The following OOSP4B variants were observed in gnomAD, a reference collection of about 807,000 sequenced individuals.
OOSP4B encodes the protein oocyte-secreted protein 4B.
intron 1 of OOSP4B, among the ~76,000 whole-genome samples, chr11:60,020,480 G>T (rs189517755): frequency 3.3e-5 from 5 of 152,162 alleles, no homozygotes; most frequent in Non-Finnish European, 7.4e-5. Flanking sequence ...CTCACTGCCC[G>T]GGTGGGGGCG....
chr11:60,017,338 C>G (rs1854638297), exon 1 of OOSP4B: 1 of 398,508 alleles, frequency 2.5e-6, no homozygotes, highest in Admixed American at 4.4e-5. Context: ...CTCAAGGAAC[C>G]CCCAGCTCCT....
chr11:60,021,195 T>C (rs1854687635), intron 1 of OOSP4B, among the ~76,000 whole-genome samples: 1 of 152,192 alleles, frequency 6.6e-6, no homozygotes, highest in Admixed American at 6.5e-5. Flanking sequence ...TTTGTATATG[T>C]AAGTCATCTT....
Position 60,027,228 on chromosome 11 carries a change from G to A in OOSP4B, c.302+2223G>A, listed in dbSNP as rs189211980. Among the ~76,000 whole-genome samples, 192 of 152,192 alleles carry A rather than the reference G, an allele frequency of 1.3e-3. 2 individuals are homozygous for A. The highest frequency in any genetic ancestry group is 4.2e-3 in the African/African-American group (174 of 41,550). On this transcript the variant is annotated intron_variant, in intron 3 of 4. Coordinates refer to ENST00000642343, the Ensembl canonical transcript of OOSP4B. ...AACACTACAGCTCCTAAAGTAGGAT[G>A]GTGAAGGGTTGAAATGATAGCCAAA...
At chr11:60,021,646 A>G (rs1854691264) in intron 1 of OOSP4B, 1 of 152,206 alleles carries the variant, frequency 6.6e-6, no homozygotes, top group African/African-American at 2.4e-5. Flanking sequence ...GAAAATGAAG[A>G]CATTATCTGT....
At chr11:60,023,051 G>C (rs761632305) in intron 1 of OOSP4B, among the ~76,000 whole-genome samples, 24 of 152,160 alleles carry the variant, frequency 1.6e-4, no homozygotes, top group African/African-American at 5.1e-4. Flanking sequence ...TTAAGTTCTA[G>C]GCAGTGTTCC....
In OOSP4B at chr11:60,028,188, C is replaced by T. The variant is rs147085130; in HGVS notation, c.303-1594C>T. On this transcript the variant is annotated intron_variant, in intron 3 of 4. Transcript: ENST00000642343. ...CTGTTTTTTTTTTCTTTTTTTGAGA[C>T]GGCGTCTCACTCTGTTGCCCAGGCG... Among the ~76,000 whole-genome samples the T allele has an allele frequency of 4.0e-3, 607 of 149,924 alleles. 7 individuals carry two copies. Among genetic ancestry groups the T allele is most frequent in the African/African-American group, 0.014 (557 of 40,734 alleles).
At chr11:60,020,524 G>A (rs927999540) in intron 1 of OOSP4B, among the ~76,000 whole-genome samples, 21 of 152,222 alleles carry the variant, frequency 1.4e-4, no homozygotes, top group African/African-American at 3.9e-4. Flanking sequence ...GTGGGGCAGC[G>A]GAGCCCACGC....
intron 1 of OOSP4B, among the ~76,000 whole-genome samples, chr11:60,017,649 C>T (rs1034327789): frequency 4.6e-5 from 7 of 152,062 alleles, no homozygotes; most frequent in African/African-American, 1.7e-4. Context: ...ATAAACTGTG[C>T]TCAGTCTTCT....
chr11:60,028,068 T>C (rs920342354), intron 3 of OOSP4B, among the ~76,000 whole-genome samples: 2 of 151,470 alleles, frequency 1.3e-5, no homozygotes, highest in African/African-American at 4.9e-5. Context: ...TACTTCTGAT[T>C]CCTGAGATCT....
intron 1 of OOSP4B, 142 bp from the exon 2 acceptor site, chr11:60,023,738 C>T (rs2134625649): frequency 2.6e-6 from 1 of 389,864 alleles, no homozygotes; most frequent in Admixed American, 4.5e-5. Flanking sequence ...CTGGCCTATA[C>T]CTGCTTATTT....
At chr11:60,024,712 A>T (rs1240529707) in intron 2 of OOSP4B, among the ~76,000 whole-genome samples, 196 bp from the exon 3 acceptor site, 1 of 152,238 alleles carries the variant, frequency 6.6e-6, no homozygotes, top group African/African-American at 2.4e-5. Flanking sequence ...ATCTGGTATT[A>T]GAGATGGGGG....
intron 1 of OOSP4B, among the ~76,000 whole-genome samples, chr11:60,022,591 G>A (rs568936343): frequency 3.1e-4 from 47 of 152,322 alleles, no homozygotes; most frequent in African/African-American, 9.9e-4. Context: ...TTTTACGGAA[G>A]ACAGAGTTCT....
At chr11:60,018,323 G>A (rs1023438482) in intron 1 of OOSP4B, among the ~76,000 whole-genome samples, 1 of 152,092 alleles carries the variant, frequency 6.6e-6, no homozygotes, top group African/African-American at 2.4e-5. Context: ...ATTTGGCAAT[G>A]TTTAGAGGGA....
chr11:60,025,094 T>C, intron 3 of OOSP4B, 89 bp downstream of exon 3: 1 of 395,810 alleles, frequency 2.5e-6, no homozygotes. Flanking sequence ...AAAAATGCCC[T>C]GGAGGGATGT....
chr11:60,025,380 G>A (rs1453625153), intron 3 of OOSP4B, among the ~76,000 whole-genome samples: 1 of 152,194 alleles, frequency 6.6e-6, no homozygotes, highest in Non-Finnish European at 1.5e-5. Context: ...ACAAGTTAAT[G>A]CATTTGTCAA....
intron 3 of OOSP4B, among the ~76,000 whole-genome samples, chr11:60,026,532 G>A (rs1453615161): frequency 1.3e-5 from 2 of 152,096 alleles, no homozygotes; most frequent in Non-Finnish European, 2.9e-5. Flanking sequence ...ACTTAGCAAT[G>A]CCATTTTCAG....
chr11:60,021,936 A>C (rs1469979104), intron 1 of OOSP4B: 1 of 149,758 alleles, frequency 6.7e-6, no homozygotes, highest in African/African-American at 2.5e-5. Context: ...GTGAGCCAAG[A>C]TCCTGCCACT....
rs118126483 is a variant in OOSP4B, at chr11:60,028,465, G to A, written c.303-1317G>A. 1.4e-4 allele frequency among the ~76,000 whole-genome samples: 22 copies of A among 152,166 alleles called. No individual in the cohort carries two copies. In the East Asian group the frequency reaches 3.7e-3, roughly 25 times the overall value. ...ACAGGAATGAGCCACTGCACCTGGC[G>A]TGTAATCACTGCTTTTATGCAATGT... is the stretch of plus-strand genomic sequence containing the variant. On this transcript the variant is annotated intron_variant, in intron 3 of 4. Transcript: ENST00000642343.
At chr11:60,030,739 T>C in intron 4 of OOSP4B, 63 bp from the exon 5 acceptor site, 1 of 397,994 alleles carries the variant, frequency 2.5e-6, no homozygotes, top group Non-Finnish European at 4.4e-6. Context: ...TCTGAACGTG[T>C]TTTCTTTTTA....
Sources: gnomAD v4.1 joint callset for allele counts (sites outside exome capture counted in the v4.1 genomes callset) on GRCh38, gnomAD v4.1.1 for gene constraint, MANE v1.5 for transcripts, NCBI Gene and HGNC (gene_info 2026-07-23, HGNC 2026-07-21) for gene names.